The following TNRC6A variants were observed in gnomAD, a reference collection of about 807,000 sequenced individuals.
TNRC6A encodes trinucleotide repeat-containing gene 6A protein.
A neutral mutation model predicts 221.2 loss-of-function variants in TNRC6A; 44 were observed. The ratio of observed to expected loss-of-function variants is 0.20; its 90% CI spans 0.16 to 0.26. The LOEUF (loss-of-function observed/expected upper bound fraction) is 0.26, where lower values mean the gene tolerates loss of function less well. TNRC6A is among the 10% of genes least tolerant of loss of function. The pLI, the probability that TNRC6A is intolerant of heterozygous loss-of-function variation, is 1.00. For synonymous variants in TNRC6A, 847 were observed against 838.5 expected (o/e 1.01, Z -0.18); for missense variants, 2,199 against 2,404.4 (o/e 0.91, Z 1.79).
At chr16:24,756,479 C>T (rs1464017403) in intron 3 of TNRC6A, among the ~76,000 whole-genome samples, 1 of 152,174 alleles carries the variant, frequency 6.6e-6, no homozygotes, top group African/African-American at 2.4e-5. Flanking sequence ...TCCTTGTATA[C>T]ATTAAATCCG....
chr16:24,806,120 C>T, intron 15 of TNRC6A, 86 bp from the exon 16 acceptor site: 1 of 1,490,530 alleles, frequency 6.7e-7, no homozygotes, highest in Non-Finnish European at 9.2e-7. Flanking sequence ...CGTCGTGCCT[C>T]TGTAGGTCCA....
chr16:24,761,461 A>C (rs987189219), intron 4 of TNRC6A, among the ~76,000 whole-genome samples: 3 of 152,222 alleles, frequency 2.0e-5, no homozygotes, highest in African/African-American at 4.8e-5. Flanking sequence ...AAAGGCAAGG[A>C]AAGAGCTAAT....
At chr16:24,751,984 A>G (rs1319711116) in intron 3 of TNRC6A, among the ~76,000 whole-genome samples, 13 of 152,266 alleles carry the variant, frequency 8.5e-5, no homozygotes, top group Admixed American at 7.8e-4. Flanking sequence ...GCATTAAAGG[A>G]TGGGTTTTGC....
chr16:24,654,428 G>C (rs1902841401), intron 2 of TNRC6A, among the ~76,000 whole-genome samples: 1 of 152,082 alleles, frequency 6.6e-6, no homozygotes. Context: ...CTGTAGACCA[G>C]GTACGGTGAC....
Position 24,777,080 on chromosome 16 carries a change from C to CGCAGCA in TNRC6A, c.320_325dup (p.Gln107_Gln108dup). The CGCAGCA allele has an allele frequency of 1.2e-6, 2 of 1,603,896 alleles. No individual in the cohort carries two copies. The highest frequency in any genetic ancestry group is 8.5e-7 in the Non-Finnish European group (1 of 1,173,030). ...CAGCAGCAGCAGCAACAGCAGCAGC[C>CGCAGCA]GCAGCAGCAGCAGCCACAGCAGCAG... is the stretch of plus-strand genomic sequence containing the variant. On this transcript the variant is annotated inframe_insertion, in exon 5 of 25. Coordinates refer to ENST00000395799, the MANE Select transcript of TNRC6A (RefSeq NM_014494.4).
At chr16:24,715,981 A>C (rs371914685) in intron 2 of TNRC6A, among the ~76,000 whole-genome samples, 16 of 152,028 alleles carry the variant, frequency 1.1e-4, no homozygotes, top group Admixed American at 2.6e-4. Flanking sequence ...AGACCCAAGC[A>C]TGACCATCCA....
At chr16:24,764,499 T>A (rs1173582757) in intron 4 of TNRC6A, among the ~76,000 whole-genome samples, 6 of 152,020 alleles carry the variant, frequency 3.9e-5, no homozygotes, top group African/African-American at 1.5e-4. Context: ...ATTTTTGTAT[T>A]TTTAGTAGAG....
At chr16:24,612,359 TA>T (rs1364672989) in intron 1 of TNRC6A, among the ~76,000 whole-genome samples, 2 of 152,092 alleles carry the variant, frequency 1.3e-5, no homozygotes, top group Non-Finnish European at 2.9e-5. Context: ...GTCACTTGCT[TA>T]AGGGCACTCA....
At chr16:24,713,206 C>T (rs1440543317) in intron 2 of TNRC6A, among the ~76,000 whole-genome samples, 1 of 151,948 alleles carries the variant, frequency 6.6e-6, no homozygotes, top group South Asian at 2.1e-4. Context: ...TCACTTGAGG[C>T]CAGGAGTTCG....
At chr16:24,712,243 G>T (rs1032113398) in intron 2 of TNRC6A, among the ~76,000 whole-genome samples, 15 of 152,108 alleles carry the variant, frequency 9.9e-5, no homozygotes, top group Admixed American at 2.0e-4. Context: ...AACCTCAAGC[G>T]ATCCTCCTGC....
chr16:24,749,447 T>G (rs1463728354), intron 2 of TNRC6A, among the ~76,000 whole-genome samples: 1 of 152,186 alleles, frequency 6.6e-6, no homozygotes, highest in African/African-American at 2.4e-5. Flanking sequence ...GAGGCTGCAT[T>G]TAGAAGCAGC....
rs2056570974 is a variant in TNRC6A, at chr16:24,729,698, GGCGGCGGCGGCGGCGGCGGCA to G, written c.-139_-119del. On this transcript the variant is annotated 5_prime_UTR_variant, in exon 1 of 25. Transcript: ENST00000395799. Reference sequence around the variant, plus strand: ...CGGCGGCGGTGTCGGCGGCGGCGGCGGCGGCGGCGGCGGCGGCGGCAGCGGGTCGGTGTAGAAAATGGCGCT... The same window carrying G: ...CGGCGGCGGTGTCGGCGGCGGCGGCGGCGGGTCGGTGTAGAAAATGGCGCT... 3 of 982,722 alleles carry G rather than the reference GGCGGCGGCGGCGGCGGCGGCA, an allele frequency of 3.1e-6. No homozygotes were observed. The highest frequency in any genetic ancestry group is 2.7e-6 in the Non-Finnish European group (2 of 749,766). The allele number at this position is 982,722 out of a possible 1,614,324, so 60.9% of individuals were successfully genotyped here. A position where few individuals can be genotyped will look rare whatever the true frequency, so the allele number is the denominator to read the frequency against.
intron 4 of TNRC6A, chr16:24,776,481 T>G (rs2057720175): frequency 1.0e-6 from 1 of 985,314 alleles, no homozygotes; most frequent in Non-Finnish European, 1.2e-6. Context: ...TGTGTTGTCT[T>G]CCAAAGATGA....
chr16:24,789,247 C>G lies in TNRC6A; in HGVS notation c.605C>G (p.Thr202Ser). The G allele has an allele frequency of 6.2e-7, 1 of 1,604,290 alleles. No individual in the cohort carries two copies. The highest frequency in any genetic ancestry group is 1.1e-5 in the South Asian group (1 of 89,250). The change falls in exon 6 of 25, where the codon ACT (threonine) becomes AGT (serine). Residue 202 changes from threonine (T) to serine (S), a missense_variant. Physicochemically the swap from Thr to Ser is moderately conservative, Grantham distance 58. Coordinates refer to ENST00000395799, the MANE Select transcript of TNRC6A (RefSeq NM_014494.4). ...SKNQSDINHS[T>S]SGSHYENSQR... ...TTTATCCTAGATATAAACCACAGTA[C>G]TTCAGGATCCCATTATGAAAATTCC...
rs145191606 is a variant in TNRC6A at position 24,765,160 on chromosome 16, T to G, written c.163+6800T>G. On this transcript the variant is annotated intron_variant, in intron 4 of 24. Transcript: ENST00000395799. Reference sequence around the variant, plus strand: ...ATTTTTGTGGGAATCCATAAGACCTTAAGTTTCCCAATTACAAGCCTTCTA... The same window carrying G: ...ATTTTTGTGGGAATCCATAAGACCTGAAGTTTCCCAATTACAAGCCTTCTA... Among the ~76,000 whole-genome samples the G allele has an allele frequency of 2.5e-3, 376 of 152,318 alleles. 2 individuals carry two copies. Among genetic ancestry groups the G allele is most frequent in the Non-Finnish European group, 4.5e-3 (303 of 68,028 alleles).
chr16:24,732,812 A>G (rs564180856), intron 2 of TNRC6A, among the ~76,000 whole-genome samples: 26 of 152,310 alleles, frequency 1.7e-4, no homozygotes, highest in African/African-American at 5.3e-4. Context: ...AGATATTGCT[A>G]GATGTCCCTG....
At chr16:24,671,669 A>G (rs2055305704) in intron 2 of TNRC6A, among the ~76,000 whole-genome samples, 1 of 152,176 alleles carries the variant, frequency 6.6e-6, no homozygotes, top group South Asian at 2.1e-4. Flanking sequence ...CACGAATCCA[A>G]AATGTGAGAT....
intron 5 of TNRC6A, among the ~76,000 whole-genome samples, chr16:24,784,147 G>T (rs999406255): frequency 6.6e-6 from 1 of 151,950 alleles, no homozygotes; most frequent in Non-Finnish European, 1.5e-5. Flanking sequence ...GATTATTGGG[G>T]CCTGTTACCA....
intron 2 of TNRC6A, among the ~76,000 whole-genome samples, chr16:24,713,952 CA>C (rs2056262015): frequency 6.6e-6 from 1 of 152,074 alleles, no homozygotes; most frequent in Admixed American, 6.6e-5. Flanking sequence ...GGCCATTAAT[CA>C]TTGTTTTTAA....
Sources: gnomAD v4.1 joint callset for allele counts (sites outside exome capture counted in the v4.1 genomes callset) on GRCh38, gnomAD v4.1.1 for gene constraint, MANE v1.5 for transcripts, NCBI Gene and HGNC (gene_info 2026-07-23, HGNC 2026-07-21) for gene names.